PRPH: variants seen among roughly 807,000 people sequenced by gnomAD.
PRPH encodes the protein peripherin.
PRPH carries 48 observed loss-of-function variants against 52.6 expected under a neutral mutation model. The ratio of observed to expected loss-of-function variants is 0.91; its 90% CI spans 0.72 to 1.16. The LOEUF (loss-of-function observed/expected upper bound fraction) is 1.16. PRPH is among the 50% of genes most tolerant of loss of function. The pLI, the probability that PRPH is intolerant of heterozygous loss-of-function variation, is 0.00. For missense variants in PRPH, 579 were observed against 635.7 expected, an observed-to-expected ratio of 0.91 and a Z score of 0.96; for synonymous variants, 279 against 283.8, an observed-to-expected ratio of 0.98 and a Z score of 0.17.
Position 49,297,364 on chromosome 12 carries a change from C to T in PRPH, c.1004C>T (p.Ala335Val), listed in dbSNP as rs768013983. ...TCCACTCTCCTACCCCAGAACGAGG[C>T]GCTGCTCAGGCAGTTGAGAGAGCTG... ...EVDGLRGTNE[A>V]LLRQLRELEE... Residue 335 changes from alanine (A) to valine (V), a missense_variant, in exon 6 of 9, where the codon GCG becomes GTG. Ala to Val is a moderately conservative substitution (Grantham distance 64). Transcript: ENST00000257860. The surrounding 1 kb of genome is among the most constrained non-coding windows in gnomAD (Gnocchi z 4.4). 1.2e-6 allele frequency: 2 copies of T among 1,613,650 alleles called. No individual in the cohort carries two copies. Among genetic ancestry groups the T allele is most frequent in the South Asian group, 1.1e-5 (1 of 91,086 alleles).
chr12:49,296,709 G>A lies in PRPH; in HGVS notation c.703-180G>A. On this transcript the variant is annotated intron_variant, in intron 3 of 8. Coordinates refer to ENST00000257860, the MANE Select transcript of PRPH (RefSeq NM_006262.4). This position sits in a 1 kb window ranked among gnomAD's most constrained non-coding sequence, Gnocchi z 5.1. ...GCGCCACCTGGCGGCGGGCAGCGGG[G>A]CTGTACCTCCGAAACCTGGCCTCTG... 2.6e-6 allele frequency: 3 copies of A among 1,168,990 alleles called. No individual in the cohort carries two copies. The South Asian group carries it at 4.2e-5, about 16-fold the overall frequency. The allele number at this position is 1,168,990 out of a possible 1,614,324, so 72.4% of individuals were successfully genotyped here. A position where few individuals can be genotyped will look rare whatever the true frequency, so the allele number is the denominator to read the frequency against.
chr12:49,297,200 C>T lies in PRPH; in HGVS notation c.923C>T (p.Ala308Val). ...CGGAACCACGAGGCCCTGCGCCAGGCCAAGCAGGAGATGAACGAGTCCCGA... is the reference window on the plus strand; with the variant it reads ...CGGAACCACGAGGCCCTGCGCCAGGTCAAGCAGGAGATGAACGAGTCCCGA... ...ANRNHEALRQ[A>V]KQEMNESRRQ... The change falls in exon 5 of 9, where the codon GCC (alanine) becomes GTC (valine). Residue 308 changes from alanine to valine, a missense_variant. By Grantham distance (64) the Ala-to-Val change is moderately conservative (BLOSUM62 0). Coordinates refer to ENST00000257860, the MANE Select transcript of PRPH (RefSeq NM_006262.4). The surrounding 1 kb of genome is among the most constrained non-coding windows in gnomAD (Gnocchi z 4.4). 6.2e-7 allele frequency: 1 copy of T among 1,614,048 alleles called. No individual in the cohort carries two copies. Among genetic ancestry groups the T allele is most frequent in the South Asian group, 1.1e-5 (1 of 91,080 alleles).
rs1470390494 is a variant in PRPH, at chr12:49,296,419, C to T, written c.607-13C>T. Reference sequence around the variant, plus strand: ...CCTAACTTATCTTGAACCTCCACTGCCACCCCTCGAAGGACGTGGACGATG... The same window carrying T: ...CCTAACTTATCTTGAACCTCCACTGTCACCCCTCGAAGGACGTGGACGATG... On this transcript the variant is annotated splice_polypyrimidine_tract_variant and intron_variant, in intron 2 of 8. Transcript: ENST00000257860. The surrounding 1 kb of genome is among the most constrained non-coding windows in gnomAD (Gnocchi z 5.1). The T allele has an allele frequency of 6.2e-7, 1 of 1,613,170 alleles. No individual in the cohort carries two copies. Among genetic ancestry groups the T allele is most frequent in the Non-Finnish European group, 8.5e-7 (1 of 1,179,140 alleles).
Position 49,297,723 on chromosome 12 carries a change from A to G in PRPH, c.1264A>G (p.Thr422Ala). 1 of 1,613,668 alleles carries G rather than the reference A, an allele frequency of 6.2e-7. No homozygotes were observed. ...TTTTGCCTCCTTAAATATAAAGACGACTGGTGAGTCTGGCTTACAGCCTGT... is the reference window on the plus strand; with the variant it reads ...TTTTGCCTCCTTAAATATAAAGACGGCTGGTGAGTCTGGCTTACAGCCTGT... ...HSFASLNIKT[T>A]VPEVEPPQDS... The change falls in exon 7 of 9, where the codon ACT becomes GCT. Residue 422 changes from threonine (T) to alanine (A), a missense_variant. Thr to Ala is a moderately conservative substitution (Grantham distance 58). Transcript: ENST00000257860. The surrounding 1 kb of genome is among the most constrained non-coding windows in gnomAD (Gnocchi z 4.4).
At position 49,296,236 on chromosome 12, in the gene PRPH, A is replaced by C; in HGVS notation, c.604A>C (p.Lys202Gln). The change falls in exon 2 of 9, where the codon AAG becomes CAG. Residue 202 changes from lysine (K) to glutamine (Q), a missense_variant and splice_region_variant. Lys to Gln is a moderately conservative substitution (Grantham distance 53). Transcript: ENST00000257860. The surrounding 1 kb of genome is among the most constrained non-coding windows in gnomAD (Gnocchi z 5.1). The part of the protein sequence containing the change: ...DAEHNLVLFR[K>Q]DVDDATLSRL... ...GGAGCACAACCTCGTGCTCTTCCGC[A>C]AGGTGAGTCCGAGCCCCTCTCCGAG... 1 of 1,613,058 alleles carries C rather than the reference A, an allele frequency of 6.2e-7. No homozygotes were observed.
At position 49,295,646 on chromosome 12, in the gene PRPH, G is replaced by C; in HGVS notation, c.446G>C (p.Arg149Pro). Residue 149 changes from arginine (R) to proline (P), a missense_variant, in exon 1 of 9, where the codon CGC becomes CCC. Physicochemically the swap from Arg to Pro is moderately radical, Grantham distance 103 (BLOSUM62 -2). Transcript: ENST00000257860. The part of the protein sequence containing the change: ...RADQLCQQEL[R>P]ELRRELELLG... ...GACCAGCTGTGCCAGCAGGAGCTGC[G>C]CGAGCTGCGGCGAGAGCTGGAGCTG... 6.5e-7 allele frequency: 1 copy of C among 1,539,416 alleles called. No homozygotes were observed. Among genetic ancestry groups the C allele is most frequent in the Middle Eastern group, 1.8e-4 (1 of 5,478 alleles).
At position 49,296,178 on chromosome 12, in the gene PRPH, G is replaced by C. The variant is rs772250266; in HGVS notation, c.546G>C (p.Arg182Ser). ...AGCCTCTGCACGCTCTTCCCGTCAG[G>C]TTGGAGGAGGAGACGCGCAAGCGGG... ...LAEDLAALKQ[R>S]LEEETRKRED... Residue 182 changes from arginine (R) to serine (S), a missense_variant and splice_region_variant, in exon 2 of 9, where the codon AGG (arginine) becomes AGC (serine). Arg to Ser is a moderately radical substitution (Grantham distance 110, BLOSUM62 -1). Coordinates refer to ENST00000257860, the MANE Select transcript of PRPH (RefSeq NM_006262.4). The surrounding 1 kb of genome is among the most constrained non-coding windows in gnomAD (Gnocchi z 5.1). The C allele has an allele frequency of 3.7e-6, 6 of 1,612,108 alleles. No homozygotes were observed. Among genetic ancestry groups the C allele is most frequent in the Admixed American group, 3.3e-5 (2 of 60,000 alleles).
Position 49,296,273 on chromosome 12 carries a change from C to A in PRPH, c.606+35C>A. ...AGCCCCTCTCCGAGTTCAGCCTCCC[C>A]ACCGCTACCCCCGATCTCAGTATCC... On this transcript the variant is annotated intron_variant, in intron 2 of 8. Transcript: ENST00000257860. The surrounding 1 kb of genome is among the most constrained non-coding windows in gnomAD (Gnocchi z 5.1). 6.2e-7 allele frequency: 1 copy of A among 1,608,956 alleles called. No individual in the cohort carries two copies. Among genetic ancestry groups the A allele is most frequent in the Non-Finnish European group, 8.5e-7 (1 of 1,177,352 alleles).
At chr12:49,295,786 C>A (rs570258096) in intron 1 of PRPH, 41 bp downstream of exon 1, 3 of 1,439,116 alleles carry the variant, frequency 2.1e-6, no homozygotes, top group Admixed American at 2.9e-5. Context: ...GAGGCGAGGT[C>A]GAAGCGGCCG....
Position 49,297,203 on chromosome 12 carries a change from A to G in PRPH, c.926A>G (p.Lys309Arg), listed in dbSNP as rs1201266678. The G allele has an allele frequency of 1.9e-6, 3 of 1,614,048 alleles. No individual in the cohort carries two copies. The Admixed American group carries it at 5.0e-5, about 27-fold the overall frequency. Residue 309 changes from lysine to arginine, a missense_variant, in exon 5 of 9, where the codon AAG becomes AGG. Transcript: ENST00000257860. This position sits in a 1 kb window ranked among gnomAD's most constrained non-coding sequence, Gnocchi z 4.4. ...NRNHEALRQAKQEMNESRRQI... is the reference protein window; with the variant it reads ...NRNHEALRQARQEMNESRRQI... ...AACCACGAGGCCCTGCGCCAGGCCA[A>G]GCAGGAGATGAACGAGTCCCGACGC...
At chr12:49,298,258 T>C in intron 8 of PRPH, 30 bp from the exon 9 acceptor site, 1 of 1,613,624 alleles carries the variant, frequency 6.2e-7, no homozygotes, top group Non-Finnish European at 8.5e-7. Flanking sequence ...CTGAATGGCT[T>C]GTGCCCATCA....
Position 49,295,263 on chromosome 12 carries a change from C to T in PRPH, c.63C>T (p.Phe21=), listed in dbSNP as rs58403142. The stretch of plus-strand genomic sequence containing the variant: ...GCTCCACCTCATACCGCCGTACCTT[C>T]GGTCCACCGCCCTCACTATCCCCCG... ...GFSSTSYRRT[F]GPPPSLSPGA... The change falls in exon 1 of 9, where the codon TTC becomes TTT. Residue 21 remains phenylalanine, a synonymous_variant. Coordinates refer to ENST00000257860, the MANE Select transcript of PRPH (RefSeq NM_006262.4). The T allele has an allele frequency of 0.018, 28,481 of 1,611,846 alleles. 306 individuals are homozygous for T. Among genetic ancestry groups the T allele is most frequent in the African/African-American group, 0.026 (1,956 of 75,014 alleles).
rs754893736 is a variant in PRPH at position 49,296,495 on chromosome 12, G to A, written c.670G>A (p.Glu224Lys). 5.0e-6 allele frequency: 8 copies of A among 1,614,074 alleles called. No homozygotes were observed. The highest frequency in any genetic ancestry group is 6.8e-6 in the Non-Finnish European group (8 of 1,180,044). ...LERKIESLMD[E>K]IEFLKKLHEE... ...GCGCAAGATTGAGTCTCTGATGGATGAGATTGAGTTCCTCAAGAAGCTGCA... is the reference window on the plus strand; with the variant it reads ...GCGCAAGATTGAGTCTCTGATGGATAAGATTGAGTTCCTCAAGAAGCTGCA... Residue 224 changes from glutamate to lysine, a missense_variant, in exon 3 of 9, where the codon GAG becomes AAG. Physicochemically the swap from Glu to Lys is moderately conservative, Grantham distance 56 (BLOSUM62 1). Coordinates refer to ENST00000257860, the MANE Select transcript of PRPH (RefSeq NM_006262.4). This position sits in a 1 kb window ranked among gnomAD's most constrained non-coding sequence, Gnocchi z 5.1.
At chr12:49,298,064 C>G (rs1943213474) in intron 8 of PRPH, 27 bp downstream of exon 8, 1 of 1,605,992 alleles carries the variant, frequency 6.2e-7, no homozygotes. Context: ...AATGCCAGGA[C>G]CCCACCATTT....
At position 49,298,636 on chromosome 12, in the gene PRPH, C is replaced by T; in HGVS notation, c.*283C>T. 1 of 486,702 alleles carries T rather than the reference C, an allele frequency of 2.1e-6. No individual in the cohort carries two copies. Among genetic ancestry groups the T allele is most frequent in the Non-Finnish European group, 3.8e-6 (1 of 266,326 alleles). The allele number at this position is 486,702 out of a possible 1,614,324, so 30.1% of individuals were successfully genotyped here. A position where few individuals can be genotyped will look rare whatever the true frequency, so the allele number is the denominator to read the frequency against. The stretch of plus-strand genomic sequence containing the variant: ...CCAGCCACGATGAGAAGTGGGTGAG[C>T]CAGGGTCTGAGTTTCACATTTGAAC... On this transcript the variant is annotated 3_prime_UTR_variant, in exon 9 of 9. Coordinates refer to ENST00000257860, the MANE Select transcript of PRPH (RefSeq NM_006262.4).
Position 49,295,700 on chromosome 12 carries a change from TGGAGCGCGACGGGCTGGC to T in PRPH, c.505_522del (p.Arg169_Glu174del). 6.5e-7 allele frequency: 1 copy of T among 1,529,234 alleles called. No individual in the cohort carries two copies. The highest frequency in any genetic ancestry group is 8.7e-7 in the Non-Finnish European group (1 of 1,142,962). The allele number at this position is 1,529,234 out of a possible 1,614,324, so 94.7% of individuals were successfully genotyped here. ...GGCCGCGAGCGTGACCGGGTGCAGG[TGGAGCGCGACGGGCTGGC>T]GGAGGACCTGGCGGCGCTCAAGCAG... On this transcript the variant is annotated inframe_deletion, in exon 1 of 9. Coordinates refer to ENST00000257860, the MANE Select transcript of PRPH (RefSeq NM_006262.4).
In PRPH at chr12:49,296,104, T is replaced by TG; in HGVS notation, c.546-68dup. The TG allele has an allele frequency of 2.0e-6, 3 of 1,501,990 alleles. No homozygotes were observed. Among genetic ancestry groups the TG allele is most frequent in the Non-Finnish European group, 1.8e-6 (2 of 1,099,450 alleles). 93.0% of individuals were successfully genotyped at this position (1,501,990 alleles called of 1,614,324 possible). On this transcript the variant is annotated intron_variant, in intron 1 of 8. Transcript: ENST00000257860. The surrounding 1 kb of genome is among the most constrained non-coding windows in gnomAD (Gnocchi z 5.1). ...AGCAGAACAGCCTCTAACCGGATCC[T>TG]GGGGGGCGTGCGGTCTGGGGTGCGA... is the stretch of plus-strand genomic sequence containing the variant.
chr12:49,295,545 A>C lies in PRPH; in HGVS notation c.345A>C (p.Val115=). The C allele has an allele frequency of 6.3e-7, 1 of 1,586,768 alleles. No individual in the cohort carries two copies. Among genetic ancestry groups the C allele is most frequent in the Non-Finnish European group, 8.6e-7 (1 of 1,166,912 alleles). The change falls in exon 1 of 9, where the codon GTA becomes GTC. Residue 115 remains valine, a synonymous_variant. Coordinates refer to ENST00000257860, the MANE Select transcript of PRPH (RefSeq NM_006262.4). ...NDRFANFIEK[V]RFLEQQNAAL... ...GCTTCGCCAACTTCATCGAGAAGGT[A>C]CGCTTTCTGGAGCAGCAGAACGCGG...
chr12:49,296,912 T>G lies in PRPH; in HGVS notation c.726T>G (p.Ser242Arg), dbSNP rs772761984. The change falls in exon 4 of 9, where the codon AGT becomes AGG. Residue 242 changes from serine to arginine, a missense_variant. Coordinates refer to ENST00000257860, the MANE Select transcript of PRPH (RefSeq NM_006262.4). The surrounding 1 kb of genome is among the most constrained non-coding windows in gnomAD (Gnocchi z 5.1). ...AGGAGCTGCGAGACCTGCAGGTGAGTGTGGAGAGCCAGCAGGTGCAGCAGG... is the reference window on the plus strand; with the variant it reads ...AGGAGCTGCGAGACCTGCAGGTGAGGGTGGAGAGCCAGCAGGTGCAGCAGG... ...HEEELRDLQVSVESQQVQQVE... is the reference protein window; with the variant it reads ...HEEELRDLQVRVESQQVQQVE... The G allele has an allele frequency of 4.3e-6, 7 of 1,611,960 alleles. No homozygotes were observed. Among genetic ancestry groups the G allele is most frequent in the Non-Finnish European group, 8.5e-7 (1 of 1,179,566 alleles).
Sources: allele counts gnomAD v4.1 joint callset, GRCh38; gene constraint gnomAD v4.1.1; non-coding constraint Gnocchi (gnomAD v3.1); transcripts MANE v1.5; gene names NCBI Gene and HGNC (gene_info 2026-07-23, HGNC 2026-07-21).